The following ROBO2 variants were observed in gnomAD, a reference collection of about 807,000 sequenced individuals.
ROBO2 encodes roundabout guidance receptor 2, also known as roundabout homolog 2.
ROBO2 carries 53 observed loss-of-function variants against 160.8 expected under a neutral mutation model. That is an observed-to-expected ratio of 0.33 (90% CI 0.26 to 0.41). ROBO2 has a LOEUF of 0.41. Ranked by LOEUF, ROBO2 falls within the 10% of genes least tolerant of loss-of-function variation. The probability of loss-of-function intolerance (pLI) is 1.00; values close to 1 mark genes in which losing one functional copy is unlikely to be tolerated. For synonymous variants in ROBO2, 664 were observed against 611.7 expected (o/e 1.09, Z -1.26); for missense variants, 1,577 against 1,722.4 (o/e 0.92, Z 1.49).
intron 5 of ROBO2, among the ~76,000 whole-genome samples, chr3:77,501,505 A>T (rs545559121): frequency 6.6e-6 from 1 of 152,162 alleles, no homozygotes; most frequent in East Asian, 1.9e-4. Context: ...AATTTAAGAG[A>T]TCAATGTTCT....
intron 2 of ROBO2, among the ~76,000 whole-genome samples, chr3:76,737,549 C>T (rs1399044703): frequency 1.3e-5 from 2 of 152,128 alleles, no homozygotes; most frequent in Admixed American, 1.3e-4. Context: ...ACCTAAAATG[C>T]TCATAAATAT....
chr3:77,084,210 G>A (rs891702848), intron 1 of ROBO2, among the ~76,000 whole-genome samples: 11 of 151,860 alleles, frequency 7.2e-5, no homozygotes, highest in African/African-American at 1.5e-4. Flanking sequence ...AGCAGTGAGC[G>A]CATCACTAAA....
intron 2 of ROBO2, among the ~76,000 whole-genome samples, chr3:76,830,757 G>T (rs1054583153): frequency 6.7e-6 from 1 of 148,326 alleles, no homozygotes; most frequent in Non-Finnish European, 1.5e-5. Flanking sequence ...CAGAAGAATC[G>T]CTTGAGACCC....
chr3:76,373,499 ACT>A (rs1358737791), intron 2 of ROBO2, among the ~76,000 whole-genome samples: 2 of 151,856 alleles, frequency 1.3e-5, no homozygotes, highest in African/African-American at 4.8e-5. Context: ...CCCATAGAAC[ACT>A]CTGTTTGTCC....
intron 2 of ROBO2, among the ~76,000 whole-genome samples, chr3:76,519,070 C>T (rs2081475013): frequency 6.6e-6 from 1 of 152,118 alleles, no homozygotes; most frequent in Admixed American, 6.6e-5. Flanking sequence ...GAGGATGTGA[C>T]GTTTGATCTG....
chr3:75,960,804 AAG>A (rs1948883760), intron 2 of ROBO2, among the ~76,000 whole-genome samples: 1 of 151,702 alleles, frequency 6.6e-6, no homozygotes, highest in South Asian at 2.1e-4. Context: ...AAAAGAAAAA[AAG>A]AGAACTTCCT....
chr3:77,334,291 T>C (rs2066264499), intron 2 of ROBO2, among the ~76,000 whole-genome samples: 1 of 152,190 alleles, frequency 6.6e-6, no homozygotes, highest in African/African-American at 2.4e-5. Flanking sequence ...TAAATCTGCC[T>C]TGGGCACTGC....
chr3:76,645,132 T>C (rs2090901909), intron 2 of ROBO2, among the ~76,000 whole-genome samples: 2 of 152,226 alleles, frequency 1.3e-5, no homozygotes, highest in Admixed American at 1.3e-4. Context: ...ATTCTTATTC[T>C]GCAATCTTTG....
At chr3:75,914,932 G>C (rs1480434515) in intron 1 of ROBO2, among the ~76,000 whole-genome samples, 1 of 152,152 alleles carries the variant, frequency 6.6e-6, no homozygotes, top group East Asian at 1.9e-4. Context: ...CTCATTAGCA[G>C]GCCAGCTGTT....
intron 2 of ROBO2, among the ~76,000 whole-genome samples, chr3:76,906,936 G>C (rs1003885304): frequency 6.6e-6 from 1 of 152,094 alleles, no homozygotes; most frequent in Non-Finnish European, 1.5e-5. Context: ...TAGACTTTAT[G>C]AAAAATGTTA....
chr3:76,367,508 A>C (rs192929331), intron 2 of ROBO2, among the ~76,000 whole-genome samples: 1 of 152,080 alleles, frequency 6.6e-6, no homozygotes, highest in Non-Finnish European at 1.5e-5. Context: ...CTGCATCACA[A>C]CTTCCTGTGG....
intron 1 of ROBO2, among the ~76,000 whole-genome samples, chr3:75,927,305 A>G (rs1947328733): frequency 6.6e-6 from 1 of 152,206 alleles, no homozygotes; most frequent in Non-Finnish European, 1.5e-5. Flanking sequence ...AGTTAGGAAT[A>G]AAAGCTGGTG....
intron 2 of ROBO2, among the ~76,000 whole-genome samples, chr3:76,886,782 G>A (rs2073927581): frequency 1.3e-5 from 2 of 152,244 alleles, no homozygotes; most frequent in South Asian, 4.1e-4. Flanking sequence ...TGTGGTGAGA[G>A]ATGAGACTAG....
At chr3:77,563,742 G>A (rs2093402186) in intron 11 of ROBO2, among the ~76,000 whole-genome samples, 1 of 152,012 alleles carries the variant, frequency 6.6e-6, no homozygotes, top group South Asian at 2.1e-4. Context: ...AATAATTAGA[G>A]CAGAACTTAA....
intron 2 of ROBO2, among the ~76,000 whole-genome samples, chr3:77,225,187 T>C (rs2086327746): frequency 6.6e-6 from 1 of 152,028 alleles, no homozygotes; most frequent in African/African-American, 2.4e-5. Context: ...ACAAAATATA[T>C]ACAGACCTCT....
rs554201332 is a variant in ROBO2, at chr3:76,289,609, T to G, written c.109+352007T>G. ...ATATTTCCTAGGTTTTCTTCTAGCG[T>G]TTTTATAGTTTTAGGTTTTACATTT... On this transcript the variant is annotated intron_variant, in intron 2 of 26. Transcript: ENST00000487694. 5.9e-5 allele frequency among the ~76,000 whole-genome samples: 9 copies of G among 152,094 alleles called. 1 individual carries two copies. Among genetic ancestry groups the G allele is most frequent in the Admixed American group, 1.3e-4 (2 of 15,268 alleles).
chr3:77,506,513 A>C (rs2088558423), intron 5 of ROBO2, among the ~76,000 whole-genome samples: 2 of 152,020 alleles, frequency 1.3e-5, no homozygotes, highest in Admixed American at 6.6e-5. Context: ...CGAGGGGCAA[A>C]TTTGCTTCCC....
At chr3:76,216,950 A>C (rs1216195010) in intron 2 of ROBO2, among the ~76,000 whole-genome samples, 1 of 152,188 alleles carries the variant, frequency 6.6e-6, no homozygotes, top group African/African-American at 2.4e-5. Flanking sequence ...CAGAAATTAT[A>C]ACAAACTATC....
intron 2 of ROBO2, among the ~76,000 whole-genome samples, chr3:76,262,081 A>C (rs1034136462): frequency 1.8e-4 from 28 of 152,122 alleles, no homozygotes; most frequent in Non-Finnish European, 1.5e-5. Context: ...ACATTGTTCT[A>C]ATCAACAGAG....
Sources: allele counts gnomAD v4.1 joint callset (sites outside exome capture counted in the v4.1 genomes callset), GRCh38; gene constraint gnomAD v4.1.1; transcripts MANE v1.5; gene names NCBI Gene and HGNC (gene_info 2026-07-23, HGNC 2026-07-21).